Variants in TEX2 observed in about 807,000 individuals in gnomAD.
TEX2 encodes testis-expressed protein 2.
In TEX2, 53 loss-of-function variants were observed where a neutral mutation model predicts 106.9. The observed-to-expected ratio is 0.50, with a 90% CI of 0.40 to 0.62. The LOEUF is 0.62. TEX2 is among the 20% of genes least tolerant of loss of function. The pLI is 0.00. For synonymous variants in TEX2, 523 were observed against 534.8 expected (o/e 0.98, Z 0.30); for missense variants, 1,207 against 1,379.0 (o/e 0.88, Z 1.98).
Position 64,178,700 on chromosome 17 carries a change from G to T in TEX2, c.2425-1229C>A, listed in dbSNP as rs1474822015. 2.6e-5 allele frequency among the ~76,000 whole-genome samples: 4 copies of T among 152,348 alleles called. No individual in the cohort carries two copies. The East Asian group carries it at 7.7e-4, about 29-fold the overall frequency. ...AAAGATTTAGAAATGCAGAATCTGT[G>T]AATTATTCCCCCTTTCCCCTCCCTC... is the stretch of plus-strand genomic sequence containing the variant. On this transcript the variant is annotated intron_variant, in intron 5 of 11. Coordinates refer to ENST00000584379, the MANE Select transcript of TEX2 (RefSeq NM_001288732.2).
At chr17:64,172,517 C>G (rs2031453947) in intron 6 of TEX2, among the ~76,000 whole-genome samples, 1 of 152,126 alleles carries the variant, frequency 6.6e-6, no homozygotes. Flanking sequence ...ATGGGATACA[C>G]CAATGGGCAG....
chr17:64,153,264 A>T lies in TEX2; in HGVS notation c.2931-110T>A, dbSNP rs1356370960. The stretch of plus-strand genomic sequence containing the variant: ...TTTAGAGCACCACTCGATGTTTTGG[A>T]TGTGGTGATTCTGTGTTGGGGCGGG... On this transcript the variant is annotated intron_variant, in intron 9 of 11. Transcript: ENST00000584379. The surrounding 1 kb of genome is among the most constrained non-coding windows in gnomAD (Gnocchi z 4.1). 2.6e-6 allele frequency: 2 copies of T among 758,074 alleles called. No homozygotes were observed. Among genetic ancestry groups the T allele is most frequent in the Non-Finnish European group, 4.4e-6 (2 of 458,406 alleles). The allele number at this position is 758,074 out of a possible 1,614,324, so 47.0% of individuals were successfully genotyped here.
At chr17:64,228,110 C>T (rs1555634122) in intron 1 of TEX2, among the ~76,000 whole-genome samples, 1 of 152,040 alleles carries the variant, frequency 6.6e-6, no homozygotes, top group East Asian at 1.9e-4. Flanking sequence ...GGAAATATTT[C>T]TAGAAGTGAA....
In TEX2 at chr17:64,175,586, GTGT is replaced by G. The variant is rs962955604; in HGVS notation, c.2571+1736_2571+1738del. On this transcript the variant is annotated intron_variant, in intron 6 of 11. Transcript: ENST00000584379. ...CTCTCAAACCAGTTTGGTTTTGTTG[GTGT>G]TGTTGTTGTTTTTAGAGATGAGAGT... is the stretch of plus-strand genomic sequence containing the variant. 3.5e-4 allele frequency among the ~76,000 whole-genome samples: 53 copies of G among 152,268 alleles called. 1 individual carries two copies. Among genetic ancestry groups the G allele is most frequent in the African/African-American group, 1.0e-3 (42 of 41,558 alleles).
chr17:64,193,934 ACACTATGCATTAATATTATGCATAG>A, intron 3 of TEX2, 45 bp from the exon 4 acceptor site: 1 of 1,402,940 alleles, frequency 7.1e-7, no homozygotes. Flanking sequence ...AAGATTGGCT[ACACTATGCATTAATATTATGCATAG>A]CACAAAGTGC....
chr17:64,161,981 C>T (rs1010616197), intron 7 of TEX2, among the ~76,000 whole-genome samples: 5 of 152,174 alleles, frequency 3.3e-5, no homozygotes, highest in African/African-American at 1.2e-4. Context: ...GCCACCACCT[C>T]AGATAAAACC....
chr17:64,193,593 G>A lies in TEX2; in HGVS notation c.2142C>T (p.Ile714=). The change falls in exon 4 of 12, where the codon ATC becomes ATT. Residue 714 remains isoleucine (I), a synonymous_variant. Transcript: ENST00000584379. ...CTCCAGAGACACCCGATGACTTCTTGATTTCCGACTTTAGCTTAGATGCCA... is the reference window on the plus strand; with the variant it reads ...CTCCAGAGACACCCGATGACTTCTTAATTTCCGACTTTAGCTTAGATGCCA... ...FILASKLKSE[I]KKSSGVSGGK... 1 of 1,446,222 alleles carries A rather than the reference G, an allele frequency of 6.9e-7. No homozygotes were observed. The highest frequency in any genetic ancestry group is 2.5e-5 in the East Asian group (1 of 40,672). The allele number at this position is 1,446,222 out of a possible 1,614,324, so 89.6% of individuals were successfully genotyped here. A position where few individuals can be genotyped will look rare whatever the true frequency, so the allele number is the denominator to read the frequency against.
At chr17:64,164,059 G>A (rs1416816337) in intron 7 of TEX2, among the ~76,000 whole-genome samples, 5 of 152,122 alleles carry the variant, frequency 3.3e-5, no homozygotes, top group Non-Finnish European at 5.9e-5. Context: ...CTGGAGGCAC[G>A]CATACGAAGG....
chr17:64,209,751 C>CATA (rs1309887805), intron 2 of TEX2, among the ~76,000 whole-genome samples: 4 of 152,184 alleles, frequency 2.6e-5, no homozygotes, highest in African/African-American at 9.7e-5. Context: ...AGCACATATA[C>CATA]GCTAACTGAA....
chr17:64,151,104 CCACA>C, intron 10 of TEX2, 143 bp from the exon 11 acceptor site: 1 of 986,012 alleles, frequency 1.0e-6, no homozygotes, highest in Non-Finnish European at 1.5e-6. Flanking sequence ...TAAAAATATT[CCACA>C]CACAAAGTAT....
intron 5 of TEX2, among the ~76,000 whole-genome samples, chr17:64,182,352 T>A (rs2031910952): frequency 6.6e-6 from 1 of 151,930 alleles, no homozygotes; most frequent in Non-Finnish European, 1.5e-5. Context: ...GTTTAATGAG[T>A]ATAGAGTTTC....
chr17:64,222,883 C>G (rs1338913196), intron 1 of TEX2, among the ~76,000 whole-genome samples: 4 of 152,144 alleles, frequency 2.6e-5, no homozygotes, highest in Admixed American at 6.5e-5. Flanking sequence ...AAACCTTAGC[C>G]TTGATCCGGT....
At chr17:64,194,010 T>A (rs913743657) in intron 3 of TEX2, 121 bp from the exon 4 acceptor site, 15 of 588,692 alleles carry the variant, frequency 2.5e-5, no homozygotes, top group Non-Finnish European at 3.8e-5. Context: ...GAATATGAAA[T>A]AACTTTCAAC....
intron 5 of TEX2, among the ~76,000 whole-genome samples, chr17:64,180,077 T>C (rs572888500): frequency 1.3e-5 from 2 of 152,320 alleles, no homozygotes; most frequent in East Asian, 3.9e-4. Context: ...GTTACTGTCT[T>C]TGAGTCCCAT....
chr17:64,177,545 T>C (rs916052423), intron 5 of TEX2, 74 bp from the exon 6 acceptor site: 1 of 1,507,834 alleles, frequency 6.6e-7, no homozygotes, highest in African/African-American at 1.4e-5. Context: ...TTTTATAAAG[T>C]CACTGAAGGT....
chr17:64,179,817 C>T (rs956548376), intron 5 of TEX2, among the ~76,000 whole-genome samples: 5 of 151,950 alleles, frequency 3.3e-5, no homozygotes, highest in Non-Finnish European at 7.4e-5. Flanking sequence ...CAGCCCATTT[C>T]AGAAGACATG....
chr17:64,258,748 A>G (rs981822944), intron 1 of TEX2, among the ~76,000 whole-genome samples: 2 of 137,950 alleles, frequency 1.4e-5, no homozygotes, highest in Non-Finnish European at 1.5e-5. Flanking sequence ...TCAACTCTTC[A>G]TTTTGGAAGA....
At chr17:64,160,728 C>CA (rs2030843668) in intron 8 of TEX2, 73 bp downstream of exon 8, 1 of 1,576,160 alleles carries the variant, frequency 6.3e-7, no homozygotes, top group African/African-American at 1.4e-5. Context: ...CACATCAAAT[C>CA]TGCTTCTCAA....
At position 64,147,944 on chromosome 17, in the gene TEX2, C is replaced by T. The variant is rs1301783700; in HGVS notation, c.*1025G>A. 2.0e-5 allele frequency: 3 copies of T among 152,586 alleles called. No individual in the cohort carries two copies. Among genetic ancestry groups the T allele is most frequent in the Non-Finnish European group, 2.9e-5 (2 of 68,014 alleles). The allele number at this position is 152,586 out of a possible 1,614,324, so 9.5% of individuals were successfully genotyped here. On this transcript the variant is annotated 3_prime_UTR_variant, in exon 12 of 12. Transcript: ENST00000584379. Reference sequence around the variant, plus strand: ...ACCTTGTAAACTAAACATTCTGACACAAATGCACAAAATTAAGTTGGCAAC... The same window carrying T: ...ACCTTGTAAACTAAACATTCTGACATAAATGCACAAAATTAAGTTGGCAAC...
Sources: gnomAD v4.1 joint callset for allele counts (sites outside exome capture counted in the v4.1 genomes callset) on GRCh38, gnomAD v4.1.1 for gene constraint, Gnocchi (gnomAD v3.1) non-coding constraint, MANE v1.5 for transcripts, NCBI Gene and HGNC (gene_info 2026-07-23, HGNC 2026-07-21) for gene names.